The following DEPTOR variants were observed in gnomAD, a reference collection of about 807,000 sequenced individuals.
DEPTOR encodes the protein DEP domain-containing mTOR-interacting protein.
In DEPTOR, 41 loss-of-function variants were observed where a neutral mutation model predicts 41.6. The ratio of observed to expected loss-of-function variants is 0.98; its 90% CI spans 0.77 to 1.28. The LOEUF (loss-of-function observed/expected upper bound fraction) is 1.28. Ranked by LOEUF, DEPTOR falls within the 50% of genes most tolerant of loss-of-function variation. The pLI is 0.00. For missense variants in DEPTOR, 514 were observed against 527.9 expected (o/e 0.97, Z 0.26); for synonymous variants, 195 against 192.3 (o/e 1.01, Z -0.12).
At chr8:119,938,976 T>C (rs999214942) in intron 3 of DEPTOR, among the ~76,000 whole-genome samples, 2 of 151,754 alleles carry the variant, frequency 1.3e-5, no homozygotes, top group Non-Finnish European at 2.9e-5. Context: ...TCTCTCTCTG[T>C]GTTTCTCTAA....
intron 8 of DEPTOR, among the ~76,000 whole-genome samples, chr8:120,013,653 C>T (rs1484018002): frequency 6.6e-6 from 1 of 152,194 alleles, no homozygotes; most frequent in Non-Finnish European, 1.5e-5. Context: ...CTTTTGGCAT[C>T]TCTGACTGTC....
At chr8:119,910,033 T>G (rs1350978102) in intron 1 of DEPTOR, among the ~76,000 whole-genome samples, 1 of 152,240 alleles carries the variant, frequency 6.6e-6, no homozygotes, top group Non-Finnish European at 1.5e-5. Context: ...CTTGTATTTT[T>G]TTCTGATCCT....
chr8:119,975,105 A>G (rs956439387), intron 4 of DEPTOR, among the ~76,000 whole-genome samples: 4 of 151,970 alleles, frequency 2.6e-5, no homozygotes, highest in African/African-American at 9.7e-5. Context: ...GTTTGAGACC[A>G]GCTTGGGCAA....
chr8:120,021,638 A>G (rs889652608), intron 8 of DEPTOR, among the ~76,000 whole-genome samples: 4 of 152,166 alleles, frequency 2.6e-5, no homozygotes, highest in Non-Finnish European at 5.9e-5. Context: ...ATGTAATCAC[A>G]TGTTTCTGCC....
intron 4 of DEPTOR, among the ~76,000 whole-genome samples, chr8:119,969,360 G>T (rs868559610): frequency 0.035 from 4,979 of 141,044 alleles, 100 homozygotes; most frequent in African/African-American, 0.057. Flanking sequence ...GTTTTTTTTT[G>T]TTTTTTTTTT....
chr8:119,980,413 G>A (rs796072732), intron 4 of DEPTOR, among the ~76,000 whole-genome samples: 5 of 149,688 alleles, frequency 3.3e-5, no homozygotes, highest in African/African-American at 9.9e-5. Context: ...ACCAGCAGAG[G>A]GCAGCATGGT....
chr8:119,911,501 A>G (rs565821491), intron 1 of DEPTOR, among the ~76,000 whole-genome samples: 1 of 151,846 alleles, frequency 6.6e-6, no homozygotes, highest in Admixed American at 6.6e-5. Context: ...TATTTTTAGT[A>G]GAGACAGAGC....
intron 1 of DEPTOR, among the ~76,000 whole-genome samples, chr8:119,877,699 C>G (rs1243164767): frequency 6.6e-6 from 1 of 152,204 alleles, no homozygotes; most frequent in Non-Finnish European, 1.5e-5. Context: ...TTAATTGTAG[C>G]TATGCCCTCT....
At position 119,887,822 on chromosome 8, in the gene DEPTOR, C is replaced by G. The variant is rs112511270; in HGVS notation, c.122+13854C>G. Reference sequence around the variant, plus strand: ...AGCTGTTTTTGTTTTCTCTTTCTTTCTTTGTTTTGTTTTTTGGACACATGG... The same window carrying G: ...AGCTGTTTTTGTTTTCTCTTTCTTTGTTTGTTTTGTTTTTTGGACACATGG... On this transcript the variant is annotated intron_variant, in intron 1 of 8. Coordinates refer to ENST00000286234, the MANE Select transcript of DEPTOR (RefSeq NM_022783.4). Among the ~76,000 whole-genome samples, 218 of 151,192 alleles carry G rather than the reference C, an allele frequency of 1.4e-3. 2 individuals are homozygous for G. Among genetic ancestry groups the G allele is most frequent in the African/African-American group, 4.9e-3 (203 of 41,254 alleles).
intron 8 of DEPTOR, among the ~76,000 whole-genome samples, chr8:120,032,594 T>A (rs920037773): frequency 1.3e-5 from 2 of 152,286 alleles, no homozygotes; most frequent in East Asian, 3.9e-4. Context: ...TGTGACCTTG[T>A]TGGCTGGTGG....
intron 1 of DEPTOR, among the ~76,000 whole-genome samples, chr8:119,881,531 AT>A (rs1434276544): frequency 6.6e-6 from 1 of 151,690 alleles, no homozygotes; most frequent in Non-Finnish European, 1.5e-5. Flanking sequence ...CTCAAAAAAA[AT>A]AATAAAAAAA....
chr8:119,953,048 T>C (rs1586630400), intron 3 of DEPTOR, among the ~76,000 whole-genome samples: 2 of 152,184 alleles, frequency 1.3e-5, no homozygotes, highest in African/African-American at 4.8e-5. Flanking sequence ...CTATAGACAA[T>C]AGCATAGTAC....
intron 1 of DEPTOR, among the ~76,000 whole-genome samples, chr8:119,906,297 CA>C (rs71304922): frequency 5.1e-4 from 71 of 140,378 alleles, no homozygotes; most frequent in Middle Eastern, 3.6e-3. Context: ...ACTAAAAATA[CA>C]AAAAAAAAAA....
intron 4 of DEPTOR, among the ~76,000 whole-genome samples, chr8:119,968,932 A>G (rs928628316): frequency 6.6e-6 from 1 of 152,092 alleles, no homozygotes; most frequent in African/African-American, 2.4e-5. Context: ...CGTCTCTACT[A>G]TAAAAACAAA....
At chr8:120,021,059 A>AAAATAAAATAAAATAAAATAAAATG (rs1218825384) in intron 8 of DEPTOR, among the ~76,000 whole-genome samples, 7 of 54,302 alleles carry the variant, frequency 1.3e-4, no homozygotes, top group Non-Finnish European at 2.4e-4. Context: ...ACTCTGTCTC[A>AAAATAAAATAAAATAAAATAAAATG]AAATAAAATA....
At chr8:119,937,745 A>C (rs1828132751) in intron 3 of DEPTOR, among the ~76,000 whole-genome samples, 1 of 152,192 alleles carries the variant, frequency 6.6e-6, no homozygotes, top group Admixed American at 6.6e-5. Flanking sequence ...CAGGAAGAGC[A>C]ACAGCCAGAG....
chr8:119,886,202 T>C (rs1827361689), intron 1 of DEPTOR, among the ~76,000 whole-genome samples: 1 of 152,196 alleles, frequency 6.6e-6, no homozygotes, highest in Non-Finnish European at 1.5e-5. Context: ...TGTAGCTCCT[T>C]CATGTGCCAG....
chr8:119,903,000 C>T (rs1352569209), intron 1 of DEPTOR, among the ~76,000 whole-genome samples: 4 of 152,150 alleles, frequency 2.6e-5, no homozygotes, highest in Admixed American at 6.6e-5. Context: ...TCCGTGAGGG[C>T]AGGGTCTATG....
chr8:120,037,020 A>G (rs1812988802), intron 8 of DEPTOR, among the ~76,000 whole-genome samples: 1 of 152,214 alleles, frequency 6.6e-6, no homozygotes, highest in Non-Finnish European at 1.5e-5. Context: ...GATCTGAATG[A>G]ATAACATCAT....
Sources: allele counts gnomAD v4.1 joint callset (sites outside exome capture counted in the v4.1 genomes callset), GRCh38; gene constraint gnomAD v4.1.1; transcripts MANE v1.5; gene names NCBI Gene and HGNC (gene_info 2026-07-23, HGNC 2026-07-21).